The following TYW1B variants were observed in gnomAD, a reference collection of about 807,000 sequenced individuals.
The protein encoded by TYW1B is tRNA-yW synthesizing protein 1 homolog B.
In TYW1B, 73 loss-of-function variants were observed where a neutral mutation model predicts 86.9. The ratio of observed to expected loss-of-function variants is 0.84; its 90% CI spans 0.70 to 1.02. TYW1B has a LOEUF of 1.02. Among genes scored for constraint, TYW1B ranks in the 50% least tolerant of loss-of-function variants. TYW1B has a pLI of 0.00. For missense variants in TYW1B, 637 were observed against 827.4 expected (o/e 0.77, Z 2.82); for synonymous variants, 248 against 292.8 (o/e 0.85, Z 1.56).
At chr7:72,585,416 C>T (rs1340674892) in intron 13 of TYW1B, among the ~76,000 whole-genome samples, 1 of 152,206 alleles carries the variant, frequency 6.6e-6, no homozygotes, top group African/African-American at 2.4e-5. Context: ...TATGACTATT[C>T]CTCCACGTAA....
At position 72,609,868 on chromosome 7, in the gene TYW1B, G is replaced by A. The variant is rs571591957; in HGVS notation, c.1785+6804C>T. 4.6e-5 allele frequency among the ~76,000 whole-genome samples: 7 copies of A among 152,268 alleles called. No homozygotes were observed. In the South Asian group the frequency reaches 8.3e-4, roughly 18 times the overall value. ...CGTGCCAGAAAACACATAATTGGAA[G>A]GAATCTAAATGAGCCTTGTTTTACT... On this transcript the variant is annotated intron_variant, in intron 13 of 13. Transcript: ENST00000620995.
In TYW1B at chr7:72,576,154, G is replaced by A. The variant is rs1199955858; in HGVS notation, c.1786-435C>T. 2.0e-5 allele frequency among the ~76,000 whole-genome samples: 3 copies of A among 152,168 alleles called. No homozygotes were observed. In the East Asian group the frequency reaches 5.8e-4, roughly 29 times the overall value. ...CAACTTGGCTTGAGTTATTAGTGAA[G>A]GTTTCATCAATAACTTCTAATTCAA... On this transcript the variant is annotated intron_variant, in intron 13 of 13. Transcript: ENST00000620995.
chr7:72,822,067 G>A (rs1788837008), intron 2 of TYW1B, among the ~76,000 whole-genome samples: 1 of 145,572 alleles, frequency 6.9e-6, no homozygotes, highest in Non-Finnish European at 1.5e-5. Context: ...CCAACATGCA[G>A]AAACCCCATC....
intron 13 of TYW1B, among the ~76,000 whole-genome samples, chr7:72,608,883 T>C (rs1554435383): frequency 6.6e-6 from 1 of 152,224 alleles, no homozygotes; most frequent in Non-Finnish European, 1.5e-5. Context: ...TTTGTGGTGA[T>C]AGAACAGTTT....
rs144151632 is a variant in TYW1B at position 72,718,337 on chromosome 7, G to A, written c.1193-4539C>T. On this transcript the variant is annotated intron_variant, in intron 9 of 13. Coordinates refer to ENST00000620995, the MANE Select transcript of TYW1B (RefSeq NM_001145440.3). ...ACTCCAAAAGAGGATGGGACGGGGCGACAGTTGAAAAATTGCCTATCAGGT... is the reference window on the plus strand; with the variant it reads ...ACTCCAAAAGAGGATGGGACGGGGCAACAGTTGAAAAATTGCCTATCAGGT... 5.0e-3 allele frequency among the ~76,000 whole-genome samples: 759 copies of A among 152,292 alleles called. 2 individuals are homozygous for A. The highest frequency in any genetic ancestry group is 7.8e-3 in the Non-Finnish European group (533 of 68,030).
At chr7:72,635,782 A>T (rs1413929459) in intron 11 of TYW1B, among the ~76,000 whole-genome samples, 36 of 152,356 alleles carry the variant, frequency 2.4e-4, no homozygotes, top group African/African-American at 8.4e-4. Context: ...GAAATTTTTA[A>T]AAATGTATTT....
intron 11 of TYW1B, among the ~76,000 whole-genome samples, chr7:72,669,134 C>CTTT (rs781821639): frequency 0.027 from 2,202 of 81,562 alleles, 278 homozygotes; most frequent in East Asian, 0.053. Flanking sequence ...TAATTTTAAA[C>CTTT]TTTTTTTTTT....
chr7:72,804,546 T>C (rs879979351), intron 5 of TYW1B, among the ~76,000 whole-genome samples: 12 of 151,808 alleles, frequency 7.9e-5, no homozygotes, highest in Non-Finnish European at 1.8e-4. Flanking sequence ...TTTTAAAAAA[T>C]TAAAAAACAA....
chr7:72,764,890 A>G (rs1197916396), intron 7 of TYW1B, among the ~76,000 whole-genome samples: 2 of 152,234 alleles, frequency 1.3e-5, no homozygotes, highest in Non-Finnish European at 2.9e-5. Context: ...TATCTATAGT[A>G]TACAACAATT....
intron 11 of TYW1B, among the ~76,000 whole-genome samples, chr7:72,641,980 C>G (rs1455884277): frequency 1.3e-5 from 2 of 152,162 alleles, no homozygotes; most frequent in Admixed American, 6.5e-5. Context: ...AAAACGTACT[C>G]AAAGCTATGT....
At chr7:72,759,152 G>A (rs1417543680) in intron 7 of TYW1B, among the ~76,000 whole-genome samples, 5 of 152,112 alleles carry the variant, frequency 3.3e-5, no homozygotes, top group Non-Finnish European at 5.9e-5. Context: ...GCAACATGGC[G>A]AAACCTCGTA....
intron 6 of TYW1B, among the ~76,000 whole-genome samples, chr7:72,799,852 T>C (rs1428998319): frequency 6.6e-5 from 10 of 152,176 alleles, no homozygotes; most frequent in Admixed American, 6.6e-5. Flanking sequence ...TCCTCCTGTT[T>C]TGCCTTTTGA....
chr7:72,756,418 A>G (rs1554466121), intron 7 of TYW1B, among the ~76,000 whole-genome samples: 1 of 151,168 alleles, frequency 6.6e-6, no homozygotes, highest in African/African-American at 2.4e-5. Flanking sequence ...TTTTTTTAGT[A>G]GAGACGGGAT....
intron 3 of TYW1B, among the ~76,000 whole-genome samples, chr7:72,814,400 C>T (rs1266339746): frequency 6.6e-6 from 1 of 151,810 alleles, no homozygotes; most frequent in Non-Finnish European, 1.5e-5. Context: ...CTGGCTAACA[C>T]GGTGAAACCC....
At chr7:72,811,637 C>T (rs1383772639) in intron 3 of TYW1B, among the ~76,000 whole-genome samples, 16 of 151,928 alleles carry the variant, frequency 1.1e-4, no homozygotes, top group Admixed American at 2.6e-4. Context: ...GTTGGCTGGG[C>T]CCAGTGGCTC....
intron 13 of TYW1B, among the ~76,000 whole-genome samples, chr7:72,593,619 G>C (rs1446453136): frequency 6.6e-6 from 1 of 151,860 alleles, no homozygotes; most frequent in Admixed American, 6.6e-5. Context: ...TCAGGAGATC[G>C]AGACCATCCT....
chr7:72,769,572 T>A (rs1171570977), intron 7 of TYW1B, among the ~76,000 whole-genome samples: 3 of 152,102 alleles, frequency 2.0e-5, no homozygotes, highest in Non-Finnish European at 4.4e-5. Flanking sequence ...GTGAACTGTA[T>A]CCAAATTAAA....
intron 11 of TYW1B, among the ~76,000 whole-genome samples, chr7:72,680,424 C>T (rs1242670861): frequency 6.6e-6 from 1 of 152,122 alleles, no homozygotes; most frequent in Admixed American, 6.6e-5. Flanking sequence ...TTCCTGCCCT[C>T]GAACATCAAA....
At chr7:72,710,382 T>G (rs35442607) in intron 10 of TYW1B, among the ~76,000 whole-genome samples, 1 of 152,220 alleles carries the variant, frequency 6.6e-6, no homozygotes, top group Non-Finnish European at 1.5e-5. Flanking sequence ...CTATGTAAAA[T>G]AGACACATTG....
Sources: gnomAD v4.1 joint callset for allele counts (sites outside exome capture counted in the v4.1 genomes callset) on GRCh38, gnomAD v4.1.1 for gene constraint, MANE v1.5 for transcripts, NCBI Gene and HGNC (gene_info 2026-07-23, HGNC 2026-07-21) for gene names.